Variants in WDR31 observed in about 807,000 individuals in gnomAD.
WDR31 encodes WD repeat-containing protein 31.
In WDR31, 30 loss-of-function variants were observed where a neutral mutation model predicts 47.3. The observed-to-expected ratio is 0.63, with a 90% CI of 0.47 to 0.86. The LOEUF (loss-of-function observed/expected upper bound fraction) is 0.86. Ranked by LOEUF, WDR31 falls within the 40% of genes least tolerant of loss-of-function variation. The pLI, the probability that WDR31 is intolerant of heterozygous loss-of-function variation, is 0.00. For synonymous variants in WDR31, 137 were observed against 159.4 expected, an observed-to-expected ratio of 0.86 and a Z score of 1.06; for missense variants, 406 against 442.9, an observed-to-expected ratio of 0.92 and a Z score of 0.75.
chr9:113,320,638 C>T, intron 8 of WDR31, 140 bp from the exon 9 acceptor site: 1 of 1,038,552 alleles, frequency 9.6e-7, no homozygotes. Context: ...CTAAAAACGG[C>T]AGCATGAACC....
intron 2 of WDR31, among the ~76,000 whole-genome samples, chr9:113,333,468 G>A (rs182323963): frequency 0.021 from 2,954 of 142,066 alleles, 37 homozygotes; most frequent in South Asian, 0.034. Flanking sequence ...TGCAAGCTCC[G>A]CCTCCCAGGT....
At chr9:113,330,814 C>T (rs754770049) in intron 4 of WDR31, among the ~76,000 whole-genome samples, 170 bp downstream of exon 4, 3 of 152,280 alleles carry the variant, frequency 2.0e-5, no homozygotes, top group South Asian at 2.1e-4. Flanking sequence ...CTTGTCCAAA[C>T]GAATGGGAAG....
intron 4 of WDR31, among the ~76,000 whole-genome samples, chr9:113,329,458 T>C (rs1380136592): frequency 2.6e-5 from 4 of 150,946 alleles, no homozygotes; most frequent in Non-Finnish European, 5.9e-5. Flanking sequence ...CTGACCAACA[T>C]GGAGAAACCC....
intron 10 of WDR31, among the ~76,000 whole-genome samples, chr9:113,317,880 C>T (rs1833242939): frequency 6.6e-6 from 1 of 152,242 alleles, no homozygotes; most frequent in Non-Finnish European, 1.5e-5. Context: ...ATACCTCCAT[C>T]ATGATCAGAT....
Position 113,318,492 on chromosome 9 carries a change from C to G in WDR31, c.926G>C (p.Trp309Ser). 1 of 1,614,182 alleles carries G rather than the reference C, an allele frequency of 6.2e-7. No homozygotes were observed. Among genetic ancestry groups the G allele is most frequent in the Non-Finnish European group, 8.5e-7 (1 of 1,180,026 alleles). Residue 309 changes from tryptophan (W) to serine (S), a missense_variant, in exon 10 of 11, where the codon TGG becomes TCG. Transcript: ENST00000374193. ...CTGCTTACCTCCAGTATCTTGGTTC[C>G]AAATCTTCACCTTGCAATCATGTGA... ...TSSHDCKVKI[W>S]NQDTGACLFT... is the part of the protein sequence containing the mutation.
At position 113,332,049 on chromosome 9, in the gene WDR31, C is replaced by A. The variant is rs908028153; in HGVS notation, c.-27G>T. ...CCTTGTGGCTGCTGGAAGTTGTGTT[C>A]CCTGTTTAATAAAAAGAAGAATACA... On this transcript the variant is annotated splice_region_variant and 5_prime_UTR_variant, in exon 3 of 11. Coordinates refer to ENST00000374193, the MANE Select transcript of WDR31 (RefSeq NM_001012361.4). 1.3e-6 allele frequency: 2 copies of A among 1,593,844 alleles called. No homozygotes were observed. The highest frequency in any genetic ancestry group is 2.2e-5 in the South Asian group (2 of 90,460).
At chr9:113,318,771 C>T (rs1833266064) in intron 9 of WDR31, 134 bp from the exon 10 acceptor site, 1 of 865,948 alleles carries the variant, frequency 1.2e-6, no homozygotes, top group Non-Finnish European at 1.8e-6. Context: ...TATCTTCATC[C>T]ATCCACAGAC....
rs550335761 is a variant in WDR31 at position 113,323,300 on chromosome 9, C to T, written c.325-145G>A. On this transcript the variant is annotated intron_variant, in intron 5 of 10. Coordinates refer to ENST00000374193, the MANE Select transcript of WDR31 (RefSeq NM_001012361.4). The stretch of plus-strand genomic sequence containing the variant: ...TTTTTGAGACGGAGTCTCACTTTGT[C>T]ACCCAGGCTGGAGGGCAGTGGTGTG... The T allele has an allele frequency of 2.1e-4, 223 of 1,079,870 alleles. 2 individuals carry two copies. In the South Asian group the frequency reaches 3.5e-3, roughly 17 times the overall value. The allele number at this position is 1,079,870 out of a possible 1,614,324, so 66.9% of individuals were successfully genotyped here.
At chr9:113,330,125 G>C (rs1833563565) in intron 4 of WDR31, among the ~76,000 whole-genome samples, 1 of 152,118 alleles carries the variant, frequency 6.6e-6, no homozygotes, top group Admixed American at 6.5e-5. Context: ...TTTTGAGACA[G>C]AGTCTTGCTC....
chr9:113,335,461 C>T (rs901707662), intron 2 of WDR31, among the ~76,000 whole-genome samples: 33 of 152,134 alleles, frequency 2.2e-4, no homozygotes, highest in African/African-American at 8.0e-4. Flanking sequence ...CCTAAAAGTT[C>T]TAGGAAATAA....
intron 5 of WDR31, among the ~76,000 whole-genome samples, chr9:113,325,916 T>C (rs1189696504): frequency 2.6e-5 from 4 of 152,134 alleles, no homozygotes; most frequent in Admixed American, 6.5e-5. Flanking sequence ...TTATTTTTTA[T>C]TTTTTATTTT....
At chr9:113,330,722 T>C (rs1833576854) in intron 4 of WDR31, among the ~76,000 whole-genome samples, 1 of 152,178 alleles carries the variant, frequency 6.6e-6, no homozygotes, top group South Asian at 2.1e-4. Context: ...CGTTCTTTGA[T>C]TTAATCTTTA....
At chr9:113,340,011 A>G (rs1453005882) in intron 1 of WDR31, among the ~76,000 whole-genome samples, 1 of 152,234 alleles carries the variant, frequency 6.6e-6, no homozygotes, top group Non-Finnish European at 1.5e-5. Flanking sequence ...CTAGGATTCC[A>G]GGCGTGAGCC....
Position 113,316,667 on chromosome 9 carries a change from C to T in WDR31, c.*82G>A, listed in dbSNP as rs1833208521. 6.7e-7 allele frequency: 1 copy of T among 1,495,440 alleles called. No homozygotes were observed. The highest frequency in any genetic ancestry group is 9.0e-7 in the Non-Finnish European group (1 of 1,109,488). The allele number at this position is 1,495,440 out of a possible 1,614,324, so 92.6% of individuals were successfully genotyped here. ...AGAATACCAGCCCTACATCCCACTC[C>T]CCTCAAGATAACTGGGAAAGACACA... On this transcript the variant is annotated 3_prime_UTR_variant, in exon 11 of 11. Transcript: ENST00000374193.
chr9:113,330,729 T>C (rs551926910), intron 4 of WDR31, among the ~76,000 whole-genome samples: 68 of 152,304 alleles, frequency 4.5e-4, no homozygotes, highest in African/African-American at 1.6e-3. Flanking sequence ...TGATTTAATC[T>C]TTAATAACCA....
At chr9:113,320,805 G>A (rs770837796) in intron 8 of WDR31, among the ~76,000 whole-genome samples, 3 of 152,190 alleles carry the variant, frequency 2.0e-5, no homozygotes, top group African/African-American at 4.8e-5. Flanking sequence ...ACTGCTTTCC[G>A]TGGACAAAAG....
chr9:113,316,925 G>A lies in WDR31; in HGVS notation c.944-16C>T. Reference sequence around the variant, plus strand: ...AAAAGGCAGGCTGGGGGGGAAAGGGGGACCAGCAGATTAGGCCAAGAGTGT... The same window carrying A: ...AAAAGGCAGGCTGGGGGGGAAAGGGAGACCAGCAGATTAGGCCAAGAGTGT... On this transcript the variant is annotated splice_polypyrimidine_tract_variant and intron_variant, in intron 10 of 10. Transcript: ENST00000374193. 6.2e-7 allele frequency: 1 copy of A among 1,611,796 alleles called. No homozygotes were observed. The highest frequency in any genetic ancestry group is 1.1e-5 in the South Asian group (1 of 90,796).
At chr9:113,327,422 C>CACACACACAA (rs1554730075) in intron 5 of WDR31, among the ~76,000 whole-genome samples, 2 of 140,100 alleles carry the variant, frequency 1.4e-5, no homozygotes, top group Non-Finnish European at 3.0e-5. Context: ...GTTACATGCA[C>CACACACACAA]ACACACACAC....
chr9:113,326,423 C>CT (rs1245621306), intron 5 of WDR31, among the ~76,000 whole-genome samples: 1 of 146,750 alleles, frequency 6.8e-6, no homozygotes, highest in Non-Finnish European at 1.5e-5. Context: ...TTCTTTCTTT[C>CT]TTTTTCTTTT....
Sources: allele counts gnomAD v4.1 joint callset (sites outside exome capture counted in the v4.1 genomes callset), GRCh38; gene constraint gnomAD v4.1.1; transcripts MANE v1.5; gene names NCBI Gene and HGNC (gene_info 2026-07-23, HGNC 2026-07-21).